The following OSBPL9 variants were observed in gnomAD, a reference collection of about 807,000 sequenced individuals.
The protein encoded by OSBPL9 is oxysterol binding protein like 9.
A neutral mutation model predicts 106.6 loss-of-function variants in OSBPL9; 40 were observed. The observed-to-expected ratio is 0.38, with a 90% confidence interval of 0.29 to 0.49. The LOEUF is 0.49. Ranked by LOEUF, OSBPL9 falls within the 20% of genes least tolerant of loss-of-function variation. OSBPL9 has a pLI of 0.97. For missense variants in OSBPL9, 609 were observed against 887.2 expected, an observed-to-expected ratio of 0.69 and a Z score of 3.98; for synonymous variants, 269 against 295.4, an observed-to-expected ratio of 0.91 and a Z score of 0.92.
intron 1 of OSBPL9, among the ~76,000 whole-genome samples, chr1:51,581,507 G>A (rs546890960): frequency 2.0e-5 from 3 of 152,114 alleles, no homozygotes; most frequent in Non-Finnish European, 4.4e-5. Context: ...CTTAAGCAGT[G>A]GGGAGATATG....
intron 9 of OSBPL9, among the ~76,000 whole-genome samples, chr1:51,757,334 A>G (rs1670552840): frequency 6.6e-6 from 1 of 152,108 alleles, no homozygotes; most frequent in African/African-American, 2.4e-5. Context: ...ATATAATACA[A>G]TTGTATGATA....
the OSBPL9 span, among the ~76,000 whole-genome samples, chr1:51,550,389 T>C: frequency 1.6e-4 from 24 of 151,924 alleles, no homozygotes; most frequent in Admixed American, 2.6e-4. Context: ...TATTTTTTCT[T>C]ATGTTAGGGG....
intron 9 of OSBPL9, among the ~76,000 whole-genome samples, chr1:51,758,347 ACTTTT>A (rs1002713017): frequency 2.0e-5 from 3 of 151,768 alleles, no homozygotes; most frequent in African/African-American, 4.9e-5. Flanking sequence ...ACATCAGATT[ACTTTT>A]CTTTTAAGGG....
intron 11 of OSBPL9, among the ~76,000 whole-genome samples, chr1:51,762,226 C>T (rs1041851473): frequency 6.6e-6 from 1 of 152,076 alleles, no homozygotes; most frequent in Admixed American, 6.6e-5. Context: ...CTCTGTCATT[C>T]AGGCTGGAGT....
chr1:51,645,728 T>A (rs559488858), intron 1 of OSBPL9, among the ~76,000 whole-genome samples: 1 of 152,326 alleles, frequency 6.6e-6, no homozygotes, highest in Non-Finnish European at 1.5e-5. Flanking sequence ...GATTTATACC[T>A]ACGTTTTTAC....
chr1:51,541,887 C>CT, the OSBPL9 span, among the ~76,000 whole-genome samples: 13,568 of 147,252 alleles, frequency 0.092, 776 homozygotes, highest in Admixed American at 0.19. Flanking sequence ...TTTACCCAGC[C>CT]TTTTTTTTTT....
the OSBPL9 span, chr1:51,519,371 C>T: frequency 6.3e-6 from 2 of 319,390 alleles, no homozygotes; most frequent in Non-Finnish European, 1.1e-5. Flanking sequence ...CTTCCCTCCC[C>T]ACGCCCGCCC....
At chr1:51,765,615 A>T in intron 11 of OSBPL9, 1 of 402,864 alleles carries the variant, frequency 2.5e-6, no homozygotes, top group African/African-American at 2.1e-5. Flanking sequence ...TGTTTCATTT[A>T]TTTAAAAGGC....
chr1:51,731,405 T>C (rs1195366666), intron 4 of OSBPL9, among the ~76,000 whole-genome samples: 1 of 152,056 alleles, frequency 6.6e-6, no homozygotes, highest in African/African-American at 2.4e-5. Context: ...GAGCTATGAT[T>C]GCACCGCTGC....
chr1:51,623,325 A>G (rs1644561037), intron 1 of OSBPL9, among the ~76,000 whole-genome samples: 1 of 152,230 alleles, frequency 6.6e-6, no homozygotes, highest in African/African-American at 2.4e-5. Context: ...TAAATGGTGT[A>G]GGGATGGGAA....
intron 3 of OSBPL9, among the ~76,000 whole-genome samples, chr1:51,679,123 G>A (rs947971135): frequency 8.6e-5 from 13 of 152,040 alleles, no homozygotes; most frequent in Non-Finnish European, 7.4e-5. Flanking sequence ...TACTGAATTC[G>A]TGTATTGGGA....
At chr1:51,675,979 T>TA (rs1425188028) in intron 3 of OSBPL9, among the ~76,000 whole-genome samples, 2 of 152,176 alleles carry the variant, frequency 1.3e-5, no homozygotes, top group African/African-American at 4.8e-5. Context: ...TAGGTACTGT[T>TA]ATACTATTAG....
chr1:51,711,032 CT>C (rs60016006), intron 3 of OSBPL9, among the ~76,000 whole-genome samples: 3,046 of 144,710 alleles, frequency 0.021, 44 homozygotes, highest in African/African-American at 0.049. Flanking sequence ...TCTATATTTT[CT>C]TTTTTTTTTT....
chr1:51,734,615 G>A (rs1665229514), intron 4 of OSBPL9, among the ~76,000 whole-genome samples: 1 of 152,114 alleles, frequency 6.6e-6, no homozygotes, highest in Non-Finnish European at 1.5e-5. Flanking sequence ...TCCTAGAGCT[G>A]GAGAGAATTT....
chr1:51,781,526 G>A, intron 16 of OSBPL9, 191 bp downstream of exon 16: 1 of 551,954 alleles, frequency 1.8e-6, no homozygotes, highest in Non-Finnish European at 3.2e-6. Flanking sequence ...ATGAGGATGG[G>A]GATGTAGAAA....
At chr1:51,551,363 A>G in the OSBPL9 span, among the ~76,000 whole-genome samples, 1 of 151,938 alleles carries the variant, frequency 6.6e-6, no homozygotes, top group Non-Finnish European at 1.5e-5. Context: ...TCAATTCCCC[A>G]AATGCCATCT....
At chr1:51,697,812 ACT>A (rs1225886953) in intron 3 of OSBPL9, among the ~76,000 whole-genome samples, 1 of 150,034 alleles carries the variant, frequency 6.7e-6, no homozygotes, top group Non-Finnish European at 1.5e-5. Context: ...CTAGATAAAT[ACT>A]GTTTTCCTCT....
intron 3 of OSBPL9, among the ~76,000 whole-genome samples, chr1:51,710,756 A>C (rs777311632): frequency 6.6e-6 from 1 of 152,196 alleles, no homozygotes; most frequent in Non-Finnish European, 1.5e-5. Context: ...TTTCTTTGAA[A>C]GTAACCTGTC....
At chr1:51,718,621 G>A (rs766064415) in intron 4 of OSBPL9, among the ~76,000 whole-genome samples, 8 of 152,134 alleles carry the variant, frequency 5.3e-5, no homozygotes, top group Non-Finnish European at 1.2e-4. Flanking sequence ...AGAACTGTTA[G>A]AGGTCACAAA....
Sources: gnomAD v4.1 joint callset for allele counts (sites outside exome capture counted in the v4.1 genomes callset) on GRCh38, gnomAD v4.1.1 for gene constraint, MANE v1.5 for transcripts, NCBI Gene and HGNC (gene_info 2026-07-23, HGNC 2026-07-21) for gene names.